PRKN: variants seen among roughly 807,000 people sequenced by gnomAD.
The protein encoded by PRKN is E3 ubiquitin-protein ligase parkin.
PRKN carries 56 observed loss-of-function variants against 59.5 expected under a neutral mutation model. That is an observed-to-expected ratio of 0.94 (90% CI 0.76 to 1.18). The LOEUF is 1.18. Among genes scored for constraint, PRKN ranks in the 50% most tolerant of loss-of-function variants. The pLI is 0.00. For missense variants in PRKN, 657 were observed against 596.4 expected (o/e 1.10, Z -1.06); for synonymous variants, 250 against 222.1 (o/e 1.13, Z -1.12).
At chr6:161,891,506 C>T (rs1370025663) in intron 6 of PRKN, among the ~76,000 whole-genome samples, 1 of 152,160 alleles carries the variant, frequency 6.6e-6, no homozygotes, top group Non-Finnish European at 1.5e-5. Flanking sequence ...GGTCCCTAAA[C>T]ATGAGGCTTC....
intron 3 of PRKN, among the ~76,000 whole-genome samples, chr6:162,235,973 GA>G (rs1338266487): frequency 1.0e-5 from 1 of 95,988 alleles, no homozygotes; most frequent in Non-Finnish European, 1.9e-5. Context: ...AAGAAAGAAA[GA>G]AAGAAAGAAA....
chr6:162,162,830 A>T (rs1782816586), intron 4 of PRKN, among the ~76,000 whole-genome samples: 1 of 148,554 alleles, frequency 6.7e-6, no homozygotes, highest in Admixed American at 6.7e-5. Context: ...CAATATGGTG[A>T]AACCCCATCT....
At chr6:162,315,872 CT>C (rs1782734336) in intron 2 of PRKN, among the ~76,000 whole-genome samples, 1 of 152,146 alleles carries the variant, frequency 6.6e-6, no homozygotes, top group Non-Finnish European at 1.5e-5. Flanking sequence ...AAGAAAGTAT[CT>C]TACTTTTCAA....
intron 2 of PRKN, among the ~76,000 whole-genome samples, chr6:162,421,652 C>T (rs1225096552): frequency 6.6e-6 from 1 of 152,072 alleles, no homozygotes; most frequent in East Asian, 1.9e-4. Flanking sequence ...TCCTCCATGG[C>T]CTTGCTAGAT....
chr6:162,389,968 C>CAAGGTGAGACACTCTCACTT (rs1787076429), intron 2 of PRKN, among the ~76,000 whole-genome samples: 1 of 152,206 alleles, frequency 6.6e-6, no homozygotes, highest in Non-Finnish European at 1.5e-5. Flanking sequence ...TCACTTAGTG[C>CAAGGTGAGACACTCTCACTT]AGGCTCAAGG....
At chr6:162,328,038 C>G (rs1394017195) in intron 2 of PRKN, among the ~76,000 whole-genome samples, 1 of 133,342 alleles carries the variant, frequency 7.5e-6, no homozygotes, top group African/African-American at 2.7e-5. Flanking sequence ...CCTCAACGTT[C>G]CCACGTGAAA....
chr6:162,022,908 T>C (rs1269807835), intron 5 of PRKN, among the ~76,000 whole-genome samples: 2 of 152,190 alleles, frequency 1.3e-5, no homozygotes, highest in Non-Finnish European at 1.5e-5. Context: ...AATTATTCAA[T>C]AGGGTGTATT....
chr6:162,337,196 G>A (rs1215433490), intron 2 of PRKN, among the ~76,000 whole-genome samples: 1 of 152,132 alleles, frequency 6.6e-6, no homozygotes, highest in Non-Finnish European at 1.5e-5. Context: ...GAACCATTTA[G>A]TATGAATCTG....
At chr6:161,406,209 C>A (rs995818386) in intron 9 of PRKN, among the ~76,000 whole-genome samples, 18 of 142,272 alleles carry the variant, frequency 1.3e-4, no homozygotes, top group African/African-American at 4.0e-4. Context: ...TACATATACA[C>A]ATATATACAT....
At chr6:162,680,136 T>C (rs1779714340) in intron 1 of PRKN, among the ~76,000 whole-genome samples, 1 of 151,632 alleles carries the variant, frequency 6.6e-6, no homozygotes, top group East Asian at 1.9e-4. Flanking sequence ...TATTATTAAG[T>C]ATAGATACAT....
chr6:161,703,839 CTTTTTTTTTTTTTTTTTTTT>C (rs71004062), intron 7 of PRKN, among the ~76,000 whole-genome samples: 659 of 59,864 alleles, frequency 0.011, 9 homozygotes, highest in South Asian at 0.055. Flanking sequence ...CTCTCTCTCT[CTTTTTTTTTTTTTTTTTTTT>C]TTTTTTTTTT....
intron 6 of PRKN, among the ~76,000 whole-genome samples, chr6:161,944,341 G>A (rs1012441449): frequency 1.9e-4 from 29 of 152,306 alleles, no homozygotes; most frequent in African/African-American, 6.3e-4. Context: ...ACCCTGTAGT[G>A]CTCTTTCAAC....
chr6:161,970,406 T>TAC (rs1296998027), intron 6 of PRKN, among the ~76,000 whole-genome samples: 6 of 150,328 alleles, frequency 4.0e-5, no homozygotes, highest in Admixed American at 2.0e-4. Flanking sequence ...AAACTATATA[T>TAC]ATATATATAT....
intron 2 of PRKN, among the ~76,000 whole-genome samples, chr6:162,393,432 T>C (rs562182269): frequency 7.2e-5 from 11 of 152,160 alleles, no homozygotes; most frequent in Non-Finnish European, 1.5e-4. Context: ...AGTGCTGGGA[T>C]TACAGGCCTG....
chr6:161,486,104 T>A (rs1791630994), intron 9 of PRKN, among the ~76,000 whole-genome samples: 1 of 152,138 alleles, frequency 6.6e-6, no homozygotes. Flanking sequence ...ATTAAGCTTA[T>A]TTTTGGTGAA....
At chr6:161,874,159 T>C (rs1402374133) in intron 6 of PRKN, among the ~76,000 whole-genome samples, 10 of 35,758 alleles carry the variant, frequency 2.8e-4, no homozygotes, top group Admixed American at 1.0e-3. Context: ...ATATATATTA[T>C]ATATAATATA....
chr6:161,693,239 A>G (rs969147527), intron 7 of PRKN, among the ~76,000 whole-genome samples: 9 of 152,150 alleles, frequency 5.9e-5, no homozygotes, highest in African/African-American at 2.2e-4. Flanking sequence ...ACCAACATAG[A>G]TCTCTTTGTT....
At chr6:161,976,180 C>G (rs2128252805) in intron 5 of PRKN, among the ~76,000 whole-genome samples, 1 of 152,274 alleles carries the variant, frequency 6.6e-6, no homozygotes, top group Non-Finnish European at 1.5e-5. Flanking sequence ...GCTGGGATTA[C>G]AGGTGTGAGC....
chr6:161,836,916 G>A (rs1792779765), intron 6 of PRKN, among the ~76,000 whole-genome samples: 1 of 152,160 alleles, frequency 6.6e-6, no homozygotes, highest in Admixed American at 6.5e-5. Context: ...CACCTGTGAA[G>A]CTGATAAAAC....
Sources: gnomAD v4.1 joint callset for allele counts (sites outside exome capture counted in the v4.1 genomes callset) on GRCh38, gnomAD v4.1.1 for gene constraint, MANE v1.5 for transcripts, NCBI Gene and HGNC (gene_info 2026-07-23, HGNC 2026-07-21) for gene names.